Variants in GEMIN5 observed in about 807,000 individuals in gnomAD.
GEMIN5 encodes gem-associated protein 5.
Under a neutral mutation model 176.9 loss-of-function variants are expected in GEMIN5, and 124 were observed. The ratio of observed to expected loss-of-function variants is 0.70; its 90% CI spans 0.61 to 0.81. GEMIN5 has a LOEUF of 0.81. Ranked by LOEUF, GEMIN5 falls within the 40% of genes least tolerant of loss-of-function variation. GEMIN5 has a pLI of 0.00. For missense variants in GEMIN5, 1,843 were observed against 1,814.6 expected, an observed-to-expected ratio of 1.02 and a Z score of -0.28; for synonymous variants, 673 against 665.2, an observed-to-expected ratio of 1.01 and a Z score of -0.18.
At chr5:154,902,965 G>A (rs752390209) in intron 19 of GEMIN5, 115 bp downstream of exon 19, 47 of 729,196 alleles carry the variant, frequency 6.4e-5, no homozygotes, top group Non-Finnish European at 1.0e-4. Context: ...CTAGTTAGCT[G>A]ACACGTAAAA....
intron 18 of GEMIN5, 82 bp from the exon 19 acceptor site, chr5:154,903,257 G>A: frequency 2.3e-6 from 2 of 886,134 alleles, no homozygotes; most frequent in Non-Finnish European, 3.7e-6. Context: ...CCGAATATAT[G>A]TTTGGAACAC....
chr5:154,910,518 G>T (rs1763679419), intron 15 of GEMIN5, among the ~76,000 whole-genome samples: 1 of 152,068 alleles, frequency 6.6e-6, no homozygotes, highest in South Asian at 2.1e-4. Context: ...TTGCCAGGCT[G>T]GTCTCAAACT....
intron 3 of GEMIN5, 122 bp downstream of exon 3, chr5:154,935,719 G>C: frequency 1.5e-6 from 1 of 662,568 alleles, no homozygotes. Flanking sequence ...GGGGCTCAGG[G>C]GGAGTGGTTA....
At chr5:154,934,874 C>T (rs1351187004) in intron 3 of GEMIN5, among the ~76,000 whole-genome samples, 1 of 152,226 alleles carries the variant, frequency 6.6e-6, no homozygotes, top group Non-Finnish European at 1.5e-5. Flanking sequence ...GTTTCAACCC[C>T]ATGATGAACT....
Position 154,910,290 on chromosome 5 carries a change from T to G in GEMIN5, c.2167+1437A>C, listed in dbSNP as rs190159975. On this transcript the variant is annotated intron_variant, in intron 15 of 27. Coordinates refer to ENST00000285873, the MANE Select transcript of GEMIN5 (RefSeq NM_015465.5). Reference sequence around the variant, plus strand: ...TCTTTGGGTGTAAATTTCTAGTTGTTTAATATATTCTTTCATTTAAAATAA... The same window carrying G: ...TCTTTGGGTGTAAATTTCTAGTTGTGTAATATATTCTTTCATTTAAAATAA... Among the ~76,000 whole-genome samples the G allele has an allele frequency of 8.6e-3, 1,304 of 152,204 alleles. 14 individuals carry two copies. The highest frequency in any genetic ancestry group is 0.014 in the Non-Finnish European group (952 of 68,002).
At chr5:154,903,809 A>C (rs1265425673) in intron 18 of GEMIN5, among the ~76,000 whole-genome samples, 1 of 151,920 alleles carries the variant, frequency 6.6e-6, no homozygotes, top group Non-Finnish European at 1.5e-5. Flanking sequence ...AGGAAGATTT[A>C]CTTTGAAAAA....
rs1037296098 is a variant in GEMIN5, at chr5:154,905,364, T to G, written c.2508A>C (p.Pro836=). The G allele has an allele frequency of 2.0e-6, 3 of 1,510,034 alleles. No homozygotes were observed. The highest frequency in any genetic ancestry group is 2.7e-6 in the Non-Finnish European group (3 of 1,094,058). 93.5% of individuals were successfully genotyped at this position (1,510,034 alleles called of 1,614,324 possible). Reference sequence around the variant, plus strand: ...GTATTTTAATTACTAGATACCAACCTGGCTTCTCTTTTGGTGGCTCCTTTT... The same window carrying G: ...GTATTTTAATTACTAGATACCAACCGGGCTTCTCTTTTGGTGGCTCCTTTT... The part of the protein sequence containing the change: ...LLKKEPPKEK[P]ETLIKKRKAR... The change falls in exon 17 of 28, where the codon CCA becomes CCC. Residue 836 remains proline, a splice_region_variant and synonymous_variant. Coordinates refer to ENST00000285873, the MANE Select transcript of GEMIN5 (RefSeq NM_015465.5).
At chr5:154,904,382 A>G in intron 18 of GEMIN5, 125 bp downstream of exon 18, 1 of 829,378 alleles carries the variant, frequency 1.2e-6, no homozygotes, top group Non-Finnish European at 1.9e-6. Context: ...GGAGAGCTGG[A>G]GAACATAAAA....
At chr5:154,891,874 C>T in intron 25 of GEMIN5, 132 bp from the exon 26 acceptor site, 1 of 856,392 alleles carries the variant, frequency 1.2e-6, no homozygotes, top group Non-Finnish European at 1.8e-6. Flanking sequence ...GTGTGATCCA[C>T]CGGGCCACAT....
intron 11 of GEMIN5, among the ~76,000 whole-genome samples, chr5:154,919,471 T>C (rs1375595668): frequency 6.6e-6 from 1 of 152,172 alleles, no homozygotes; most frequent in African/African-American, 2.4e-5. Flanking sequence ...TATAAGCAAA[T>C]TATGTGTATT....
intron 7 of GEMIN5, 47 bp downstream of exon 7, chr5:154,927,338 T>C (rs1764062419): frequency 6.0e-6 from 8 of 1,339,556 alleles, no homozygotes; most frequent in Non-Finnish European, 6.3e-6. Flanking sequence ...CCCACCCAAG[T>C]TGTAAACTGC....
chr5:154,927,569 A>T lies in GEMIN5; in HGVS notation c.915-19T>A. ...TTCACCTCTGTGAAGGAAAAACATA[A>T]GCATTAGTTCTTTTACAAACGATCT... On this transcript the variant is annotated intron_variant, in intron 6 of 27. Coordinates refer to ENST00000285873, the MANE Select transcript of GEMIN5 (RefSeq NM_015465.5). 6.4e-7 allele frequency: 1 copy of T among 1,564,034 alleles called. No individual in the cohort carries two copies. The highest frequency in any genetic ancestry group is 8.8e-7 in the Non-Finnish European group (1 of 1,141,396).
chr5:154,905,822 C>T (rs1258985890), intron 16 of GEMIN5, among the ~76,000 whole-genome samples: 5 of 151,788 alleles, frequency 3.3e-5, no homozygotes, highest in Non-Finnish European at 5.9e-5. Context: ...GCCTGAGCCT[C>T]GCCAGTAGCT....
At chr5:154,908,114 A>C (rs1443028378) in intron 15 of GEMIN5, among the ~76,000 whole-genome samples, 2 of 149,400 alleles carry the variant, frequency 1.3e-5, no homozygotes, top group Non-Finnish European at 2.9e-5. Context: ...AACACGATTC[A>C]CTACTGCCAC....
chr5:154,910,529 C>G (rs1763679548), intron 15 of GEMIN5, among the ~76,000 whole-genome samples: 2 of 152,198 alleles, frequency 1.3e-5, no homozygotes, highest in African/African-American at 4.8e-5. Flanking sequence ...GTCTCAAACT[C>G]CTGGCCTCAA....
At chr5:154,925,716 A>T (rs2113503402) in intron 8 of GEMIN5, 146 bp downstream of exon 8, 1 of 598,132 alleles carries the variant, frequency 1.7e-6, no homozygotes, top group African/African-American at 1.9e-5. Flanking sequence ...TGGTTACAGG[A>T]TCATTCTGCT....
In GEMIN5 at chr5:154,917,002, G is replaced by A. The variant is rs1007060566; in HGVS notation, c.1851C>T (p.Val617=). The A allele has an allele frequency of 3.2e-6, 5 of 1,563,614 alleles. No homozygotes were observed. Among genetic ancestry groups the A allele is most frequent in the Non-Finnish European group, 4.4e-6 (5 of 1,143,520 alleles). Residue 617 remains valine (V), a synonymous_variant, in exon 13 of 28, where the codon GTC becomes GTT. Transcript: ENST00000285873. The part of the protein sequence containing the change: ...AVIYVHNLKT[V]IESSPESPVT... ...TATGAAAGAAACCAAAGTTACCTAT[G>A]ACAGTCTTCAGGTTGTGCACGTAAA... is the stretch of plus-strand genomic sequence containing the variant.
intron 20 of GEMIN5, 106 bp from the exon 21 acceptor site, chr5:154,901,592 C>A: frequency 1.1e-6 from 1 of 915,584 alleles, no homozygotes; most frequent in South Asian, 1.6e-5. Flanking sequence ...ATGCATTCAG[C>A]AGAACATTTA....
intron 26 of GEMIN5, among the ~76,000 whole-genome samples, chr5:154,889,921 C>T (rs557229885): frequency 8.5e-5 from 13 of 152,332 alleles, no homozygotes; most frequent in Middle Eastern, 3.4e-3. Context: ...AATAATGCTG[C>T]CATGAACACA....
Sources: gnomAD v4.1 joint callset for allele counts (sites outside exome capture counted in the v4.1 genomes callset) on GRCh38, gnomAD v4.1.1 for gene constraint, MANE v1.5 for transcripts, NCBI Gene and HGNC (gene_info 2026-07-23, HGNC 2026-07-21) for gene names.